MPDZ: variants seen among roughly 807,000 people sequenced by gnomAD.
MPDZ encodes the protein multiple PDZ domain crumbs cell polarity complex component, also known as multiple PDZ domain protein.
In MPDZ, 234 loss-of-function variants were observed where a neutral mutation model predicts 239.1. The observed-to-expected ratio is 0.98, with a 90% CI of 0.88 to 1.09. MPDZ has a LOEUF of 1.09. Among genes scored for constraint, MPDZ ranks in the 50% least tolerant of loss-of-function variants. The probability of loss-of-function intolerance (pLI) is 0.00; values close to 1 mark genes in which losing one functional copy is unlikely to be tolerated. For synonymous variants in MPDZ, 1,048 were observed against 881.3 expected (o/e 1.19, Z -3.35); for missense variants, 3,175 against 2,510.0 (o/e 1.26, Z -5.66).
chr9:13,206,987 T>C (rs1022838400), intron 10 of MPDZ, among the ~76,000 whole-genome samples: 1 of 152,118 alleles, frequency 6.6e-6, no homozygotes, highest in African/African-American at 2.4e-5. Flanking sequence ...CTTCTACTCC[T>C]TTCTAAATAT....
chr9:13,238,900 T>A (rs1048456988), intron 3 of MPDZ, among the ~76,000 whole-genome samples: 3 of 152,198 alleles, frequency 2.0e-5, no homozygotes, highest in African/African-American at 7.2e-5. Context: ...CCTCAATTTT[T>A]AAACATGTAA....
At chr9:13,211,815 T>C (rs1032041802) in intron 10 of MPDZ, among the ~76,000 whole-genome samples, 13 of 152,120 alleles carry the variant, frequency 8.5e-5, no homozygotes, top group Non-Finnish European at 1.5e-4. Context: ...TATTTAAGTA[T>C]AAATACATAG....
chr9:13,194,360 A>G (rs867117774), intron 13 of MPDZ, among the ~76,000 whole-genome samples: 4 of 152,060 alleles, frequency 2.6e-5, no homozygotes, highest in Non-Finnish European at 4.4e-5. Flanking sequence ...GGAATACTAC[A>G]CAGCCATAAA....
rs1563802728 is a variant in MPDZ at position 13,106,746 on chromosome 9, T to C, written c.*219A>G. ...GAGATTCACCTACACAAATATTCCT[T>C]CTCTTTAAGTTCACAAAATGCAAGA... is the stretch of plus-strand genomic sequence containing the variant. On this transcript the variant is annotated 3_prime_UTR_variant, in exon 47 of 47. Coordinates refer to ENST00000319217, the MANE Select transcript of MPDZ (RefSeq NM_001378778.1). 2 of 495,562 alleles carry C rather than the reference T, an allele frequency of 4.0e-6. No individual in the cohort carries two copies. Among genetic ancestry groups the C allele is most frequent in the African/African-American group, 1.9e-5 (1 of 52,678 alleles). The allele number at this position is 495,562 out of a possible 1,614,324, so 30.7% of individuals were successfully genotyped here.
At chr9:13,152,550 C>T (rs1389940462) in intron 24 of MPDZ, among the ~76,000 whole-genome samples, 1 of 152,050 alleles carries the variant, frequency 6.6e-6, no homozygotes, top group Admixed American at 6.6e-5. Flanking sequence ...TGTGAGGCCT[C>T]CCAAGTCACG....
At chr9:13,232,374 C>G (rs1329889913) in intron 3 of MPDZ, among the ~76,000 whole-genome samples, 1 of 152,014 alleles carries the variant, frequency 6.6e-6, no homozygotes, top group East Asian at 1.9e-4. Context: ...GAAACAGACC[C>G]ACACATATAT....
intron 38 of MPDZ, among the ~76,000 whole-genome samples, chr9:13,120,999 TG>T (rs1431087333): frequency 6.6e-6 from 1 of 152,254 alleles, no homozygotes; most frequent in Non-Finnish European, 1.5e-5. Flanking sequence ...GAAAGATTTA[TG>T]AAACTTGCTG....
At chr9:13,146,384 T>G (rs777986020) in intron 26 of MPDZ, among the ~76,000 whole-genome samples, 1 of 152,114 alleles carries the variant, frequency 6.6e-6, no homozygotes, top group African/African-American at 2.4e-5. Flanking sequence ...AACCTTAACA[T>G]CTTAAATTCT....
chr9:13,114,466 G>A (rs1245239555), intron 40 of MPDZ, among the ~76,000 whole-genome samples: 1 of 152,138 alleles, frequency 6.6e-6, no homozygotes, highest in Non-Finnish European at 1.5e-5. Flanking sequence ...ACAACACTGA[G>A]GAGAAGGTCA....
intron 17 of MPDZ, among the ~76,000 whole-genome samples, chr9:13,188,207 T>C (rs1310634964): frequency 6.6e-6 from 1 of 152,188 alleles, no homozygotes; most frequent in Non-Finnish European, 1.5e-5. Flanking sequence ...GCATTAATCA[T>C]GACCTTATTA....
At chr9:13,185,150 C>T (rs10756461) in intron 18 of MPDZ, among the ~76,000 whole-genome samples, 75,471 of 151,836 alleles carry the variant, frequency 0.5, 23,066 homozygotes, top group Non-Finnish European at 0.67. Flanking sequence ...GAAGTGCTAA[C>T]ATAATACCCA....
intron 1 of MPDZ, among the ~76,000 whole-genome samples, chr9:13,255,846 A>T (rs1433532906): frequency 6.6e-6 from 1 of 152,224 alleles, no homozygotes; most frequent in East Asian, 1.9e-4. Flanking sequence ...ATGGTAAATA[A>T]GCACTGGCTT....
chr9:13,272,700 T>TAAAA (rs539786957), intron 1 of MPDZ, among the ~76,000 whole-genome samples: 13 of 78,486 alleles, frequency 1.7e-4, no homozygotes, highest in Non-Finnish European at 2.5e-4. Flanking sequence ...CTGTTCCTAC[T>TAAAA]AAAAAAAAAA....
intron 3 of MPDZ, among the ~76,000 whole-genome samples, chr9:13,230,701 G>T (rs1291907223): frequency 6.6e-6 from 1 of 152,096 alleles, no homozygotes; most frequent in Non-Finnish European, 1.5e-5. Flanking sequence ...TCTTGATTGT[G>T]GGGATAGCTA....
At chr9:13,168,669 AAC>A in intron 21 of MPDZ, 105 bp from the exon 22 acceptor site, 2 of 892,684 alleles carry the variant, frequency 2.2e-6, no homozygotes, top group Non-Finnish European at 3.3e-6. Flanking sequence ...AAATACAAGT[AAC>A]ATTTCAGTCA....
chr9:13,234,207 T>C (rs890171967), intron 3 of MPDZ, among the ~76,000 whole-genome samples: 5 of 152,126 alleles, frequency 3.3e-5, no homozygotes, highest in Non-Finnish European at 7.4e-5. Context: ...ATAACATTTA[T>C]AATATTTTGA....
chr9:13,197,945 A>G lies in MPDZ; in HGVS notation c.1547-1715T>C, dbSNP rs190266830. ...CAAAACTTCATTCTTTTTGTGGCTG[A>G]ATGATATTCCATTGTGTATATACAC... On this transcript the variant is annotated intron_variant, in intron 12 of 46. Coordinates refer to ENST00000319217, the MANE Select transcript of MPDZ (RefSeq NM_001378778.1). 2.6e-4 allele frequency among the ~76,000 whole-genome samples: 39 copies of G among 152,266 alleles called. 1 individual carries two copies. Among genetic ancestry groups the G allele is most frequent in the African/African-American group, 8.7e-4 (36 of 41,572 alleles).
Position 13,182,863 on chromosome 9 carries a change from A to T in MPDZ, c.2649+555T>A, listed in dbSNP as rs533882968. On this transcript the variant is annotated intron_variant, in intron 19 of 46. Transcript: ENST00000319217. ...AAAATATAAATGGCACAGATATGTC[A>T]AATAGTGACTAAATTCTTCGTTCAC... Among the ~76,000 whole-genome samples, 4 of 152,282 alleles carry T rather than the reference A, an allele frequency of 2.6e-5. No homozygotes were observed. In the South Asian group the frequency reaches 6.2e-4, roughly 24 times the overall value.
At chr9:13,109,529 C>T (rs1200749387) in intron 45 of MPDZ, among the ~76,000 whole-genome samples, 1 of 152,110 alleles carries the variant, frequency 6.6e-6, no homozygotes, top group Non-Finnish European at 1.5e-5. Context: ...TTTTCCAATG[C>T]TTTTGTATCC....
Sources: allele counts gnomAD v4.1 joint callset (sites outside exome capture counted in the v4.1 genomes callset), GRCh38; gene constraint gnomAD v4.1.1; transcripts MANE v1.5; gene names NCBI Gene and HGNC (gene_info 2026-07-23, HGNC 2026-07-21).